SIPA1L1: variants seen among roughly 807,000 people sequenced by gnomAD.
SIPA1L1 encodes the protein signal-induced proliferation-associated 1-like protein 1.
In SIPA1L1, 26 loss-of-function variants were observed where a neutral mutation model predicts 162.7. The ratio of observed to expected loss-of-function variants is 0.16; its 90% CI spans 0.12 to 0.22. The LOEUF (loss-of-function observed/expected upper bound fraction) is 0.22. SIPA1L1 is among the 10% of genes least tolerant of loss of function. The probability of loss-of-function intolerance (pLI) is 1.00; values close to 1 mark genes in which losing one functional copy is unlikely to be tolerated. For missense variants in SIPA1L1, 1,874 were observed against 2,241.0 expected, an observed-to-expected ratio of 0.84 and a Z score of 3.31; for synonymous variants, 829 against 837.4, an observed-to-expected ratio of 0.99 and a Z score of 0.17.
chr14:71,373,397 C>T (rs941840439), intron 2 of SIPA1L1, among the ~76,000 whole-genome samples: 10 of 150,772 alleles, frequency 6.6e-5, no homozygotes, highest in Admixed American at 2.0e-4. Context: ...CCGAGGTGGG[C>T]GGATCACTTG....
intron 2 of SIPA1L1, 107 bp from the exon 3 acceptor site, chr14:71,512,636 A>G (rs1332771611): frequency 1.7e-5 from 2 of 115,874 alleles, no homozygotes; most frequent in Non-Finnish European, 3.3e-5. Context: ...TGGCCCTGCA[A>G]TGCCATCTTT....
chr14:71,424,644 T>A (rs537495620), intron 2 of SIPA1L1, among the ~76,000 whole-genome samples: 49 of 152,254 alleles, frequency 3.2e-4, no homozygotes, highest in African/African-American at 1.1e-3. Context: ...TGTATAATCC[T>A]TTTACTATGC....
At chr14:71,730,740 A>G (rs376156687) in intron 20 of SIPA1L1, among the ~76,000 whole-genome samples, 1 of 152,186 alleles carries the variant, frequency 6.6e-6, no homozygotes, top group Non-Finnish European at 1.5e-5. Context: ...TGTGGTGTCA[A>G]CCACTCATTT....
chr14:71,724,083 T>G lies in SIPA1L1; in HGVS notation c.4448+197T>G, dbSNP rs115682656. On this transcript the variant is annotated intron_variant, in intron 18 of 23. Coordinates refer to ENST00000381232, the MANE Select transcript of SIPA1L1 (RefSeq NM_001386936.1). The stretch of plus-strand genomic sequence containing the variant: ...TCTCTGCCTCATTCCTTAAATAAGA[T>G]TTATTGCAAAATGTTAGGATTTGAG... Among the ~76,000 whole-genome samples the G allele has an allele frequency of 7.9e-3, 1,199 of 152,310 alleles. 16 individuals are homozygous for G. Among genetic ancestry groups the G allele is most frequent in the African/African-American group, 0.027 (1,127 of 41,550 alleles).
At chr14:71,659,609 A>C (rs2043336909) in intron 9 of SIPA1L1, among the ~76,000 whole-genome samples, 1 of 152,210 alleles carries the variant, frequency 6.6e-6, no homozygotes, top group Non-Finnish European at 1.5e-5. Context: ...AGTAGATAAA[A>C]AATTTAAGAA....
chr14:71,591,704 G>A (rs1292857785), intron 5 of SIPA1L1, among the ~76,000 whole-genome samples: 13 of 152,018 alleles, frequency 8.6e-5, no homozygotes, highest in Admixed American at 8.5e-4. Context: ...TGAGACCAAG[G>A]GCTTTTCTTT....
At chr14:71,366,887 G>C (rs938952861) in intron 2 of SIPA1L1, among the ~76,000 whole-genome samples, 1 of 152,136 alleles carries the variant, frequency 6.6e-6, no homozygotes, top group Admixed American at 6.5e-5. Context: ...TTTTTACTCA[G>C]TTTTAACCTA....
chr14:71,453,327 G>A (rs1031137182), intron 2 of SIPA1L1, among the ~76,000 whole-genome samples: 1 of 152,048 alleles, frequency 6.6e-6, no homozygotes, highest in Admixed American at 6.6e-5. Context: ...GCAGTGGCAC[G>A]ATCTCAGCTC....
intron 2 of SIPA1L1, among the ~76,000 whole-genome samples, chr14:71,480,793 AG>A (rs1414185359): frequency 6.6e-6 from 1 of 152,096 alleles, no homozygotes; most frequent in Admixed American, 6.6e-5. Context: ...AAAAAAACAA[AG>A]GTCATTTTAT....
At chr14:71,565,888 T>G (rs1176856073) in intron 4 of SIPA1L1, among the ~76,000 whole-genome samples, 1 of 152,150 alleles carries the variant, frequency 6.6e-6, no homozygotes, top group African/African-American at 2.4e-5. Flanking sequence ...GTCCTTGTGC[T>G]TTTGCATATA....
chr14:71,504,378 G>A (rs1330461096), intron 2 of SIPA1L1, among the ~76,000 whole-genome samples: 1 of 152,108 alleles, frequency 6.6e-6, no homozygotes, highest in East Asian at 1.9e-4. Flanking sequence ...CAGAAATCTG[G>A]TGAAATGTTC....
chr14:71,438,340 G>A (rs184988485), intron 2 of SIPA1L1, among the ~76,000 whole-genome samples: 64 of 152,218 alleles, frequency 4.2e-4, no homozygotes, highest in African/African-American at 1.4e-3. Context: ...CTTGATGAGT[G>A]TGTTGGGGAC....
chr14:71,378,567 T>G (rs2039618488), intron 2 of SIPA1L1, among the ~76,000 whole-genome samples: 1 of 152,244 alleles, frequency 6.6e-6, no homozygotes, highest in African/African-American at 2.4e-5. Flanking sequence ...TGATATGATC[T>G]GTCTTGATAA....
In SIPA1L1 at chr14:71,637,314, A is replaced by G. The variant is rs191175881; in HGVS notation, c.1819-13021A>G. On this transcript the variant is annotated intron_variant, in intron 7 of 23. Coordinates refer to ENST00000381232, the MANE Select transcript of SIPA1L1 (RefSeq NM_001386936.1). ...CTCTAAAAATAGGAGAGTACAATAC[A>G]ATAAGATATTTTGAGAGAGAGAGAG... 1.6e-4 allele frequency among the ~76,000 whole-genome samples: 25 copies of G among 152,296 alleles called. No homozygotes were observed. The East Asian group carries it at 3.9e-3, about 24-fold the overall frequency.
At chr14:71,603,013 TTGTTTATGTA>T (rs2036972379) in intron 5 of SIPA1L1, among the ~76,000 whole-genome samples, 1 of 152,170 alleles carries the variant, frequency 6.6e-6, no homozygotes, top group African/African-American at 2.4e-5. Flanking sequence ...TAATAATGTT[TTGTTTATGTA>T]TCTGGGTGCT....
chr14:71,700,646 A>T (rs2082012357), intron 14 of SIPA1L1, among the ~76,000 whole-genome samples: 1 of 152,114 alleles, frequency 6.6e-6, no homozygotes. Flanking sequence ...GAGCCTTGTG[A>T]TGGGGTATGT....
chr14:71,623,919 G>C (rs2039706651), intron 6 of SIPA1L1, 129 bp from the exon 7 acceptor site: 1 of 674,512 alleles, frequency 1.5e-6, no homozygotes, highest in Non-Finnish European at 2.5e-6. Flanking sequence ...CTCCCTCACT[G>C]GCTTTACCCA....
At chr14:71,706,449 A>G (rs560664000) in intron 16 of SIPA1L1, among the ~76,000 whole-genome samples, 28 of 152,322 alleles carry the variant, frequency 1.8e-4, no homozygotes, top group South Asian at 1.4e-3. Context: ...AAAATTTAAA[A>G]TTACATATAT....
At chr14:71,554,173 A>G (rs77698029) in intron 4 of SIPA1L1, among the ~76,000 whole-genome samples, 8,103 of 152,238 alleles carry the variant, frequency 0.053, 266 homozygotes, top group South Asian at 0.077. Context: ...TTTAAGATAC[A>G]GTATTTTTTT....
Sources: allele counts gnomAD v4.1 joint callset (sites outside exome capture counted in the v4.1 genomes callset), GRCh38; gene constraint gnomAD v4.1.1; transcripts MANE v1.5; gene names NCBI Gene and HGNC (gene_info 2026-07-23, HGNC 2026-07-21).